NDE1: variants seen among roughly 807,000 people sequenced by gnomAD.
NDE1 encodes nudE neurodevelopment protein 1, also known as nuclear distribution protein nudE homolog 1.
NDE1 carries 28 observed loss-of-function variants against 43.4 expected under a neutral mutation model. The ratio of observed to expected loss-of-function variants is 0.65; its 90% CI spans 0.48 to 0.89. NDE1 has a LOEUF of 0.89. Ranked by LOEUF, NDE1 falls within the 40% of genes least tolerant of loss-of-function variation. NDE1 has a pLI of 0.00. For missense variants in NDE1, 441 were observed against 434.1 expected (o/e 1.02, Z -0.14); for synonymous variants, 184 against 172.0 (o/e 1.07, Z -0.55).
At chr16:15,706,378 C>T (rs1340444041) in intron 8 of NDE1, among the ~76,000 whole-genome samples, 10 of 152,146 alleles carry the variant, frequency 6.6e-5, no homozygotes, top group Admixed American at 1.3e-4. Flanking sequence ...CCCCACACAG[C>T]TCTCTTCGTC....
At chr16:15,719,101 C>T in intron 8 of NDE1, 1 of 991,698 alleles carries the variant, frequency 1.0e-6, no homozygotes, top group East Asian at 2.6e-5. Context: ...GCCCTCCAGC[C>T]TGGGTGACAG....
intron 3 of NDE1, among the ~76,000 whole-genome samples, chr16:15,674,529 G>A (rs2037766918): frequency 6.6e-6 from 1 of 152,104 alleles, no homozygotes; most frequent in African/African-American, 2.4e-5. Context: ...GATTACAGGT[G>A]TGGGTCACTG....
intron 7 of NDE1, 43 bp downstream of exon 7, chr16:15,694,299 C>G (rs1467007032): frequency 6.2e-7 from 1 of 1,603,284 alleles, no homozygotes; most frequent in Non-Finnish European, 8.5e-7. Context: ...TCCTGCCTGT[C>G]TTTCAGGATG....
intron 4 of NDE1, among the ~76,000 whole-genome samples, chr16:15,686,197 C>A (rs1378895902): frequency 6.6e-6 from 1 of 151,984 alleles, no homozygotes; most frequent in Non-Finnish European, 1.5e-5. Flanking sequence ...AGTGATCCGC[C>A]CGCCTCGGCC....
At chr16:15,675,425 T>G (rs62036931) in intron 3 of NDE1, among the ~76,000 whole-genome samples, 1 of 20,288 alleles carries the variant, frequency 4.9e-5, no homozygotes, top group Non-Finnish European at 1.1e-4. Flanking sequence ...TGATTTTGGG[T>G]TTTTTTTTTT....
At chr16:15,650,226 C>A, upstream of NDE1, 1 of 218,014 alleles carries the variant, frequency 4.6e-6, no homozygotes. Flanking sequence ...TCCGGAGGGC[C>A]GGGGCCGCAC....
At chr16:15,665,859 C>T (rs572002370) in intron 2 of NDE1, among the ~76,000 whole-genome samples, 1 of 151,560 alleles carries the variant, frequency 6.6e-6, no homozygotes, top group Non-Finnish European at 1.5e-5. Flanking sequence ...TGGGTTCAAT[C>T]GATTCTCTTG....
chr16:15,691,111 G>A, intron 5 of NDE1, 33 bp from the exon 6 acceptor site: 1 of 1,613,760 alleles, frequency 6.2e-7, no homozygotes, highest in Non-Finnish European at 8.5e-7. Flanking sequence ...CCTGGCTGAG[G>A]ACTTGAATTC....
At chr16:15,648,633 C>T (rs2036379972), upstream of NDE1, among the ~76,000 whole-genome samples, 2 of 151,576 alleles carry the variant, frequency 1.3e-5, no homozygotes, top group South Asian at 2.1e-4. Flanking sequence ...ACAGTGAAAC[C>T]GTGTCTCTAC....
At chr16:15,680,824 C>A (rs2038137673) in intron 4 of NDE1, among the ~76,000 whole-genome samples, 1 of 152,136 alleles carries the variant, frequency 6.6e-6, no homozygotes, top group African/African-American at 2.4e-5. Flanking sequence ...AGGCATGAAC[C>A]ACTGTGCCTG....
chr16:15,724,919 G>T lies in NDE1; in HGVS notation c.*668G>T, dbSNP rs185720909. ...GTCCTGGAGCTGGGAACTGAGGGAC[G>T]CCACGTCCTTGGCCAGCTTAATGGC... On this transcript the variant is annotated 3_prime_UTR_variant, in exon 9 of 9. Coordinates refer to ENST00000396354, the MANE Select transcript of NDE1 (RefSeq NM_017668.3). 8.1e-6 allele frequency: 13 copies of T among 1,614,114 alleles called. No individual in the cohort carries two copies. Among genetic ancestry groups the T allele is most frequent in the South Asian group, 1.1e-5 (1 of 91,086 alleles).
intron 2 of NDE1, among the ~76,000 whole-genome samples, chr16:15,666,412 C>A (rs541573350): frequency 3.5e-4 from 53 of 152,040 alleles, no homozygotes; most frequent in Non-Finnish European, 5.7e-4. Flanking sequence ...GAGTTTGAGA[C>A]CAGCTCTAGC....
intron 2 of NDE1, among the ~76,000 whole-genome samples, chr16:15,665,154 G>T (rs542412187): frequency 3.3e-5 from 5 of 151,804 alleles, no homozygotes; most frequent in Admixed American, 6.6e-5. Context: ...CTCCCACAGT[G>T]TTGGGACTAC....
At chr16:15,722,777 ATCAC>A (rs1468769679) in intron 8 of NDE1, among the ~76,000 whole-genome samples, 2 of 152,174 alleles carry the variant, frequency 1.3e-5, no homozygotes, top group African/African-American at 4.8e-5. Flanking sequence ...TTTTCACTCC[ATCAC>A]TCAGGCTGGG....
chr16:15,687,914 G>A (rs943735483), intron 5 of NDE1, among the ~76,000 whole-genome samples: 1 of 152,178 alleles, frequency 6.6e-6, no homozygotes, highest in Admixed American at 6.6e-5. Context: ...TGGCACAGTG[G>A]CTCACACCTG....
chr16:15,691,104 G>A (rs1333759978), intron 5 of NDE1, 40 bp from the exon 6 acceptor site: 1 of 1,613,492 alleles, frequency 6.2e-7, no homozygotes, highest in African/African-American at 1.3e-5. Context: ...CACTGCGCCT[G>A]GCTGAGGACT....
At chr16:15,664,889 T>G in intron 2 of NDE1, 28 bp downstream of exon 2, 1 of 748,134 alleles carries the variant, frequency 1.3e-6, no homozygotes, top group East Asian at 5.7e-5. Context: ...TGCTTTTCCT[T>G]TTTTTTTTTT....
At chr16:15,715,535 C>T (rs1165154882) in intron 8 of NDE1, among the ~76,000 whole-genome samples, 3 of 152,200 alleles carry the variant, frequency 2.0e-5, no homozygotes, top group African/African-American at 7.2e-5. Context: ...CCGTTGATAT[C>T]AAGTGTCCAG....
Position 15,724,260 on chromosome 16 carries a change from C to A in NDE1, c.*9C>A, listed in dbSNP as rs2040632791. Reference sequence around the variant, plus strand: ...CGTCCAGCTCCTGCTGAAGCCTGTTCTTGGTCTTTTCCAGTTTATCATAAG... The same window carrying A: ...CGTCCAGCTCCTGCTGAAGCCTGTTATTGGTCTTTTCCAGTTTATCATAAG... On this transcript the variant is annotated 3_prime_UTR_variant, in exon 9 of 9. Transcript: ENST00000396354. 6.2e-7 allele frequency: 1 copy of A among 1,614,230 alleles called. No individual in the cohort carries two copies. Among genetic ancestry groups the A allele is most frequent in the African/African-American group, 1.3e-5 (1 of 75,056 alleles).
Sources: allele counts gnomAD v4.1 joint callset (sites outside exome capture counted in the v4.1 genomes callset), GRCh38; gene constraint gnomAD v4.1.1; transcripts MANE v1.5; gene names NCBI Gene and HGNC (gene_info 2026-07-23, HGNC 2026-07-21).